FHIT: variants seen among roughly 807,000 people sequenced by gnomAD.
FHIT encodes the protein bis(5'-adenosyl)-triphosphatase.
FHIT carries 19 observed loss-of-function variants against 17.9 expected under a neutral mutation model. That is an observed-to-expected ratio of 1.06 (90% confidence interval 0.74 to 1.56). The LOEUF (loss-of-function observed/expected upper bound fraction) is 1.56, where lower values mean the gene tolerates loss of function less well. FHIT is among the 40% of genes most tolerant of loss of function. FHIT has a pLI of 0.00. For synonymous variants in FHIT, 81 were observed against 69.7 expected (o/e 1.16, Z -0.81); for missense variants, 248 against 189.2 (o/e 1.31, Z -1.82).
chr3:60,476,741 T>C (rs1174831197), intron 5 of FHIT, among the ~76,000 whole-genome samples: 1 of 152,156 alleles, frequency 6.6e-6, no homozygotes, highest in Non-Finnish European at 1.5e-5. Flanking sequence ...ACAAATCAGC[T>C]GACCATTTAT....
At chr3:59,824,384 T>C (rs1488048136) in intron 8 of FHIT, among the ~76,000 whole-genome samples, 1 of 152,238 alleles carries the variant, frequency 6.6e-6, no homozygotes, top group Non-Finnish European at 1.5e-5. Flanking sequence ...TTGGCAGCCT[T>C]GAGAACTGAT....
intron 3 of FHIT, among the ~76,000 whole-genome samples, chr3:61,017,271 A>C (rs918473885): frequency 5.9e-5 from 9 of 152,230 alleles, no homozygotes; most frequent in African/African-American, 1.9e-4. Flanking sequence ...CCTGGGCGAC[A>C]AGAGTGGAAC....
intron 5 of FHIT, among the ~76,000 whole-genome samples, chr3:60,480,832 G>A (rs149250955): frequency 1.4e-3 from 211 of 152,310 alleles, no homozygotes; most frequent in African/African-American, 4.8e-3. Flanking sequence ...GTCGTTGAGT[G>A]TCTTTGGCTT....
chr3:60,505,257 G>A (rs12496532), intron 5 of FHIT, among the ~76,000 whole-genome samples: 27,017 of 152,026 alleles, frequency 0.18, 2,737 homozygotes, highest in African/African-American at 0.25. Context: ...AGTAGTTAAG[G>A]AAATGATTTT....
chr3:59,978,422 A>C (rs575059079), intron 7 of FHIT, among the ~76,000 whole-genome samples: 5 of 152,154 alleles, frequency 3.3e-5, no homozygotes, highest in Admixed American at 1.3e-4. Flanking sequence ...TTAGAGTCCC[A>C]AAATCACTCA....
intron 3 of FHIT, among the ~76,000 whole-genome samples, chr3:60,971,853 A>G (rs866967978): frequency 1.3e-5 from 2 of 152,214 alleles, no homozygotes; most frequent in Non-Finnish European, 2.9e-5. Context: ...TCCTATTATC[A>G]AGAGAAAATT....
At chr3:60,583,131 C>G (rs1553660314) in intron 4 of FHIT, among the ~76,000 whole-genome samples, 1 of 151,930 alleles carries the variant, frequency 6.6e-6, no homozygotes, top group East Asian at 1.9e-4. Context: ...ATGAAAGAAA[C>G]TGAAAGGAGG....
intron 3 of FHIT, among the ~76,000 whole-genome samples, chr3:60,892,875 T>C (rs1705591892): frequency 6.6e-6 from 1 of 152,150 alleles, no homozygotes; most frequent in South Asian, 2.1e-4. Flanking sequence ...TGTTAAAATA[T>C]CCATGCATGG....
In FHIT at chr3:60,349,182, G is replaced by C. The variant is rs1049469331; in HGVS notation, c.103+187678C>G. On this transcript the variant is annotated intron_variant, in intron 5 of 9. Coordinates refer to ENST00000492590, the MANE Select transcript of FHIT (RefSeq NM_002012.4). ...ATTATTCATTTTCTATTTTTTAAAA[G>C]AGAAAAGACAAAATTAAATTTGTAT... 4.6e-5 allele frequency among the ~76,000 whole-genome samples: 7 copies of C among 152,100 alleles called. No individual in the cohort carries two copies. The East Asian group carries it at 1.3e-3, about 29-fold the overall frequency.
At chr3:60,086,962 G>C (rs1455189961) in intron 5 of FHIT, among the ~76,000 whole-genome samples, 3 of 152,174 alleles carry the variant, frequency 2.0e-5, no homozygotes. Context: ...GCACCTCTGT[G>C]GAAGGTCTCT....
chr3:60,840,187 A>G (rs1702673916), intron 3 of FHIT, among the ~76,000 whole-genome samples: 1 of 152,212 alleles, frequency 6.6e-6, no homozygotes, highest in Non-Finnish European at 1.5e-5. Flanking sequence ...AATACAATAG[A>G]CAGCGAGGAA....
chr3:60,951,855 T>C (rs1431846606), intron 3 of FHIT, among the ~76,000 whole-genome samples: 1 of 152,148 alleles, frequency 6.6e-6, no homozygotes, highest in Non-Finnish European at 1.5e-5. Context: ...AAGGTCTCTT[T>C]GAGTGGGGCA....
intron 5 of FHIT, among the ~76,000 whole-genome samples, chr3:60,155,446 T>C (rs917781794): frequency 1.3e-5 from 2 of 151,728 alleles, no homozygotes. Flanking sequence ...CGAAGCTGCC[T>C]GGAACAGTCC....
chr3:59,954,416 A>G (rs2107319759), intron 7 of FHIT, among the ~76,000 whole-genome samples: 1 of 152,212 alleles, frequency 6.6e-6, no homozygotes, highest in East Asian at 1.9e-4. Context: ...GACACAATGA[A>G]GAAAAAATCA....
At position 60,622,231 on chromosome 3, in the gene FHIT, T is replaced by C. The variant is rs1576988215; in HGVS notation, c.-17-85252A>G. 3.9e-5 allele frequency among the ~76,000 whole-genome samples: 6 copies of C among 152,246 alleles called. 1 individual carries two copies. Among genetic ancestry groups the C allele is most frequent in the South Asian group, 4.1e-4 (2 of 4,826 alleles). ...TGGTCTTTTCCTCATCAGTCCCAAATTGGCCGAAAAGATCATCTGTGACCA... is the reference window on the plus strand; with the variant it reads ...TGGTCTTTTCCTCATCAGTCCCAAACTGGCCGAAAAGATCATCTGTGACCA... On this transcript the variant is annotated intron_variant, in intron 4 of 9. Coordinates refer to ENST00000492590, the MANE Select transcript of FHIT (RefSeq NM_002012.4).
intron 4 of FHIT, among the ~76,000 whole-genome samples, chr3:60,723,918 C>A (rs2041862279): frequency 6.6e-6 from 1 of 152,214 alleles, no homozygotes; most frequent in Non-Finnish European, 1.5e-5. Flanking sequence ...TTAATTCTAG[C>A]ATATTTCAAG....
chr3:60,827,114 T>C (rs549180558), intron 3 of FHIT, among the ~76,000 whole-genome samples: 1 of 152,280 alleles, frequency 6.6e-6, no homozygotes, highest in African/African-American at 2.4e-5. Context: ...TGAAAGGGGC[T>C]AGAATTGTGA....
chr3:59,866,481 T>A (rs919774990), intron 8 of FHIT, among the ~76,000 whole-genome samples: 7 of 152,128 alleles, frequency 4.6e-5, no homozygotes, highest in African/African-American at 1.7e-4. Flanking sequence ...AACGGGGGCA[T>A]GACAAAATCT....
In FHIT at chr3:59,777,774, C is replaced by T. The variant is rs560762050; in HGVS notation, c.349-25453G>A. 2.0e-4 allele frequency among the ~76,000 whole-genome samples: 30 copies of T among 152,172 alleles called. No homozygotes were observed. The South Asian group carries it at 6.0e-3, about 31-fold the overall frequency. On this transcript the variant is annotated intron_variant, in intron 8 of 9. Transcript: ENST00000492590. Reference sequence around the variant, plus strand: ...TCTTTAACCACAACTCCTCTGCCTGCTCACCAATGCTCCGGGCACACTGGC... The same window carrying T: ...TCTTTAACCACAACTCCTCTGCCTGTTCACCAATGCTCCGGGCACACTGGC...
Sources: gnomAD v4.1 joint callset for allele counts (sites outside exome capture counted in the v4.1 genomes callset) on GRCh38, gnomAD v4.1.1 for gene constraint, MANE v1.5 for transcripts, NCBI Gene and HGNC (gene_info 2026-07-23, HGNC 2026-07-21) for gene names.